NRG1: variants seen among roughly 807,000 people sequenced by gnomAD.
NRG1 encodes the protein pro-neuregulin-1, membrane-bound isoform.
NRG1 carries 18 observed loss-of-function variants against 63.8 expected under a neutral mutation model. The ratio of observed to expected loss-of-function variants is 0.28; its 90% CI spans 0.19 to 0.42. The LOEUF is 0.42. Ranked by LOEUF, NRG1 falls within the 10% of genes least tolerant of loss-of-function variation. The probability of loss-of-function intolerance (pLI) is 1.00; values close to 1 mark genes in which losing one functional copy is unlikely to be tolerated. For synonymous variants in NRG1, 302 were observed against 301.3 expected, an observed-to-expected ratio of 1.00 and a Z score of -0.02; for missense variants, 762 against 814.7, an observed-to-expected ratio of 0.94 and a Z score of 0.79.
intron 3 of NRG1, among the ~76,000 whole-genome samples, chr8:32,607,603 G>C (rs1845484827): frequency 6.6e-6 from 1 of 152,132 alleles, no homozygotes; most frequent in Non-Finnish European, 1.5e-5. Flanking sequence ...TGGGGGTACT[G>C]AAAGTTTGAT....
chr8:31,918,775 T>C (rs1833637082), intron 1 of NRG1, among the ~76,000 whole-genome samples: 1 of 152,176 alleles, frequency 6.6e-6, no homozygotes, highest in Non-Finnish European at 1.5e-5. Context: ...TCAGAAGGAA[T>C]GGTACCAGTT....
intron 1 of NRG1, among the ~76,000 whole-genome samples, chr8:32,371,358 A>G (rs1038559965): frequency 1.3e-5 from 2 of 152,238 alleles, no homozygotes; most frequent in Non-Finnish European, 2.9e-5. Context: ...GCATTCTGTG[A>G]CTGCGTGGTC....
intron 1 of NRG1, among the ~76,000 whole-genome samples, chr8:32,098,014 A>G (rs1251255696): frequency 4.6e-5 from 7 of 152,164 alleles, no homozygotes; most frequent in African/African-American, 1.4e-4. Context: ...CCATGTAAAG[A>G]TTATAGATAG....
intron 1 of NRG1, among the ~76,000 whole-genome samples, chr8:31,822,307 A>G (rs1464699166): frequency 6.6e-6 from 1 of 152,154 alleles, no homozygotes; most frequent in African/African-American, 2.4e-5. Flanking sequence ...GATTATCTCT[A>G]TGTGGATGCT....
At chr8:32,376,257 C>T (rs1159391200) in intron 1 of NRG1, among the ~76,000 whole-genome samples, 1 of 152,206 alleles carries the variant, frequency 6.6e-6, no homozygotes, top group Non-Finnish European at 1.5e-5. Context: ...GGAAAACAAA[C>T]TGTTATCCTA....
At chr8:31,934,776 T>A (rs1835164695) in intron 1 of NRG1, among the ~76,000 whole-genome samples, 1 of 152,122 alleles carries the variant, frequency 6.6e-6, no homozygotes. Context: ...TACCTATCTA[T>A]TTTTTTCTCA....
rs1204978312 is a variant in NRG1, at chr8:32,269,025, A to G, written c.38-326803A>G. Among the ~76,000 whole-genome samples the G allele has an allele frequency of 4.6e-5, 7 of 152,056 alleles. No homozygotes were observed. The East Asian group carries it at 1.2e-3, about 25-fold the overall frequency. On this transcript the variant is annotated intron_variant, in intron 1 of 10. Transcript: ENST00000519301. ...AATTTACTTCAGAAACTTTAAGAAA[A>G]TCACTTTACCTCCTCTGTACATTCC...
chr8:31,831,582 GC>G (rs1825168973), intron 1 of NRG1, among the ~76,000 whole-genome samples: 1 of 152,088 alleles, frequency 6.6e-6, no homozygotes, highest in Non-Finnish European at 1.5e-5. Flanking sequence ...GTGAAACCTG[GC>G]CTGCTAATAA....
chr8:32,467,858 C>T (rs1468919811), intron 1 of NRG1, among the ~76,000 whole-genome samples: 1 of 152,112 alleles, frequency 6.6e-6, no homozygotes, highest in East Asian at 1.9e-4. Flanking sequence ...TGGTATAGGC[C>T]AGCTTTTCAG....
chr8:32,768,539 T>C (rs976160840), downstream of NRG1, among the ~76,000 whole-genome samples: 2 of 152,198 alleles, frequency 1.3e-5, no homozygotes, highest in African/African-American at 4.8e-5. Context: ...CCCCTTATTC[T>C]GTCAATAAAA....
chr8:32,657,797 A>G (rs2128867422), intron 5 of NRG1, among the ~76,000 whole-genome samples: 1 of 152,296 alleles, frequency 6.6e-6, no homozygotes, highest in East Asian at 1.9e-4. Context: ...AGTACTGCCT[A>G]CAAAGCAAAT....
intron 1 of NRG1, among the ~76,000 whole-genome samples, chr8:32,042,961 AGT>A (rs111850977): frequency 1.6e-4 from 23 of 140,004 alleles, no homozygotes; most frequent in African/African-American, 4.4e-4. Context: ...GAAAGAGTGC[AGT>A]GTGTGTGTGT....
intron 1 of NRG1, among the ~76,000 whole-genome samples, chr8:32,119,256 T>G (rs927050730): frequency 6.6e-6 from 1 of 152,122 alleles, no homozygotes; most frequent in African/African-American, 2.4e-5. Context: ...GTACTTTGTC[T>G]TCATTTTAAT....
At chr8:31,747,551 C>T (rs1816015569) in intron 1 of NRG1, among the ~76,000 whole-genome samples, 1 of 151,918 alleles carries the variant, frequency 6.6e-6, no homozygotes, top group African/African-American at 2.4e-5. Context: ...TAAGCATAGT[C>T]TCTTCTCTTA....
At chr8:31,735,514 A>C (rs1024877608) in intron 1 of NRG1, among the ~76,000 whole-genome samples, 1 of 152,176 alleles carries the variant, frequency 6.6e-6, no homozygotes, top group African/African-American at 2.4e-5. Context: ...AATGGTTAAC[A>C]AAAACTGTAT....
At chr8:31,900,377 A>T (rs953993020) in intron 1 of NRG1, among the ~76,000 whole-genome samples, 1 of 152,208 alleles carries the variant, frequency 6.6e-6, no homozygotes, top group African/African-American at 2.4e-5. Context: ...CACTCAAGAG[A>T]ATGCAAGTAT....
At chr8:32,230,972 TTCTA>T (rs1354540963) in intron 1 of NRG1, among the ~76,000 whole-genome samples, 1 of 152,140 alleles carries the variant, frequency 6.6e-6, no homozygotes, top group Admixed American at 6.5e-5. Context: ...ATCTTATTCT[TTCTA>T]TCTAACTATG....
intron 1 of NRG1, among the ~76,000 whole-genome samples, chr8:32,445,256 A>G (rs1232987539): frequency 6.6e-6 from 1 of 152,206 alleles, no homozygotes; most frequent in East Asian, 1.9e-4. Context: ...TATAAATGCT[A>G]TAGAAAGTAT....
intron 1 of NRG1, among the ~76,000 whole-genome samples, chr8:32,426,581 A>G (rs1289890443): frequency 6.6e-6 from 1 of 152,172 alleles, no homozygotes; most frequent in Non-Finnish European, 1.5e-5. Flanking sequence ...GTTTGTGAAG[A>G]TGATAAATGG....
Sources: allele counts gnomAD v4.1 joint callset (sites outside exome capture counted in the v4.1 genomes callset), GRCh38; gene constraint gnomAD v4.1.1; transcripts MANE v1.5; gene names NCBI Gene and HGNC (gene_info 2026-07-23, HGNC 2026-07-21).